Variants in ROCK1 observed in about 807,000 individuals in gnomAD.
The protein encoded by ROCK1 is rho-associated protein kinase 1.
ROCK1 carries 36 observed loss-of-function variants against 196.8 expected under a neutral mutation model. That is an observed-to-expected ratio of 0.18 (90% CI 0.14 to 0.24). ROCK1 has a LOEUF of 0.24. ROCK1 is among the 10% of genes least tolerant of loss of function. The probability of loss-of-function intolerance (pLI) is 1.00; values close to 1 mark genes in which losing one functional copy is unlikely to be tolerated. For synonymous variants in ROCK1, 443 were observed against 515.9 expected, an observed-to-expected ratio of 0.86 and a Z score of 1.91; for missense variants, 920 against 1,562.0, an observed-to-expected ratio of 0.59 and a Z score of 6.93.
Position 21,105,001 on chromosome 18 carries a change from G to A in ROCK1, c.93+5817C>T, listed in dbSNP as rs375835193. Among the ~76,000 whole-genome samples the A allele has an allele frequency of 3.3e-5, 5 of 152,118 alleles. No homozygotes were observed. In the East Asian group the frequency reaches 7.7e-4, roughly 23 times the overall value. On this transcript the variant is annotated intron_variant, in intron 1 of 32. Coordinates refer to ENST00000399799, the MANE Select transcript of ROCK1 (RefSeq NM_005406.3). Reference sequence around the variant, plus strand: ...GATAAATTACTCTGTACTTAGAGACGACAATAAATATCAACTTCTAGACTA... The same window carrying A: ...GATAAATTACTCTGTACTTAGAGACAACAATAAATATCAACTTCTAGACTA...
intron 1 of ROCK1, among the ~76,000 whole-genome samples, chr18:21,085,346 A>AAAAAAAAAAAAAG (rs1197521881): frequency 1.3e-5 from 2 of 150,400 alleles, no homozygotes; most frequent in African/African-American, 4.9e-5. Flanking sequence ...CCCATTTCAA[A>AAAAAAAAAAAAAG]AAAAAAAAAA....
intron 29 of ROCK1, among the ~76,000 whole-genome samples, chr18:20,959,019 T>TATAATATATATATTTTATAAAAA (rs2035283072): frequency 1.4e-5 from 1 of 70,928 alleles, no homozygotes; most frequent in African/African-American, 6.8e-5. Context: ...ATATAATATA[T>TATAATATATATATTTTATAAAAA]ATAATATATA....
chr18:21,111,786 A>C lies in ROCK1; in HGVS notation c.-876T>G, dbSNP rs1213152311. ...GACTAATATGTCCGCCTTCCTGTTC[A>C]AACAAACGGAGACCGCCGGGGCAGA... On this transcript the variant is annotated 5_prime_UTR_variant, in exon 1 of 33. Transcript: ENST00000399799. The surrounding 1 kb of genome is among the most constrained non-coding windows in gnomAD (Gnocchi z 4.2). The C allele has an allele frequency of 6.6e-6, 1 of 151,994 alleles. No individual in the cohort carries two copies. The highest frequency in any genetic ancestry group is 1.5e-5 in the Non-Finnish European group (1 of 68,010). The allele number at this position is 151,994 out of a possible 1,614,324, so 9.4% of individuals were successfully genotyped here.
intron 3 of ROCK1, 43 bp downstream of exon 3, chr18:21,049,737 T>C (rs2036189280): frequency 8.7e-7 from 1 of 1,147,420 alleles, no homozygotes; most frequent in Non-Finnish European, 1.3e-6. Flanking sequence ...TGGATTATTT[T>C]AATTTAATAA....
At chr18:21,060,011 G>C (rs2036275080) in intron 2 of ROCK1, among the ~76,000 whole-genome samples, 1 of 152,186 alleles carries the variant, frequency 6.6e-6, no homozygotes, top group Non-Finnish European at 1.5e-5. Flanking sequence ...AAATAGATTA[G>C]TGGTTGTCTA....
At chr18:21,044,694 A>G (rs1326101792) in intron 5 of ROCK1, among the ~76,000 whole-genome samples, 2 of 152,226 alleles carry the variant, frequency 1.3e-5, no homozygotes. Flanking sequence ...AAAAATTAAC[A>G]TCAAAGTGTT....
intron 9 of ROCK1, among the ~76,000 whole-genome samples, chr18:21,035,421 AG>A (rs1369756692): frequency 2.6e-5 from 4 of 152,166 alleles, no homozygotes; most frequent in Non-Finnish European, 5.9e-5. Flanking sequence ...GCACTTTGGG[AG>A]GCTGAGGCAG....
At chr18:21,038,225 G>C (rs1449438159) in intron 9 of ROCK1, among the ~76,000 whole-genome samples, 1 of 152,090 alleles carries the variant, frequency 6.6e-6, no homozygotes, top group Non-Finnish European at 1.5e-5. Context: ...TTCACTTGCA[G>C]CATGAAGATA....
At chr18:21,071,091 A>G (rs2036380330) in intron 1 of ROCK1, among the ~76,000 whole-genome samples, 2 of 151,866 alleles carry the variant, frequency 1.3e-5, no homozygotes, top group Admixed American at 1.3e-4. Context: ...AAAATGTATT[A>G]GATTGTCATG....
intron 32 of ROCK1, among the ~76,000 whole-genome samples, chr18:20,952,903 CG>C (rs2035204202): frequency 1.3e-5 from 2 of 152,070 alleles, no homozygotes; most frequent in Admixed American, 1.3e-4. Flanking sequence ...GGTTCTCACT[CG>C]TAAGTGGGAG....
chr18:20,971,211 T>A (rs752651633), intron 22 of ROCK1, among the ~76,000 whole-genome samples: 12 of 151,892 alleles, frequency 7.9e-5, no homozygotes, highest in Admixed American at 2.0e-4. Context: ...AATAAATATG[T>A]TCTGAATGAG....
intron 10 of ROCK1, among the ~76,000 whole-genome samples, chr18:21,024,422 T>A (rs2035939380): frequency 6.6e-6 from 1 of 152,214 alleles, no homozygotes; most frequent in African/African-American, 2.4e-5. Flanking sequence ...AAATATTATA[T>A]AAAGGTAAGG....
intron 1 of ROCK1, among the ~76,000 whole-genome samples, chr18:21,096,545 G>C (rs964413460): frequency 2.6e-5 from 4 of 152,166 alleles, no homozygotes; most frequent in African/African-American, 9.7e-5. Context: ...ACAACTGAAA[G>C]AGTCCTAACT....
rs1437584928 is a variant in ROCK1 at position 20,951,332 on chromosome 18, TG to T, written c.*51del. On this transcript the variant is annotated 3_prime_UTR_variant, in exon 33 of 33. Transcript: ENST00000399799. ...TCTGCTCTGCATGGTTAAAGAAGCC[TG>T]GTTTATCAGGTAGCATCCCACACGA... is the stretch of plus-strand genomic sequence containing the variant. 31 of 1,568,696 alleles carry T rather than the reference TG, an allele frequency of 2.0e-5. No homozygotes were observed. The highest frequency in any genetic ancestry group is 2.5e-5 in the Non-Finnish European group (29 of 1,149,400).
rs2035149111 is a variant in ROCK1, at chr18:20,948,311, TTTTCAA to T, written c.*3067_*3072del. 6.6e-6 allele frequency: 1 copy of T among 152,072 alleles called. No homozygotes were observed. The highest frequency in any genetic ancestry group is 1.5e-5 in the Non-Finnish European group (1 of 68,042). 9.4% of individuals were successfully genotyped at this position (152,072 alleles called of 1,614,324 possible). On this transcript the variant is annotated 3_prime_UTR_variant, in exon 33 of 33. Coordinates refer to ENST00000399799, the MANE Select transcript of ROCK1 (RefSeq NM_005406.3). ...TGAATTACGATGCAGGAAAGAAGTA[TTTTCAA>T]TGAATACTGCAGTATCAACTGAATA...
chr18:20,996,688 T>C (rs746316078), intron 16 of ROCK1, among the ~76,000 whole-genome samples: 2 of 152,166 alleles, frequency 1.3e-5, no homozygotes, highest in African/African-American at 2.4e-5. Flanking sequence ...TATTCATATC[T>C]TGGGTAGAGA....
intron 1 of ROCK1, among the ~76,000 whole-genome samples, chr18:21,080,544 C>T (rs183483732): frequency 6.6e-6 from 1 of 152,184 alleles, no homozygotes; most frequent in African/African-American, 2.4e-5. Flanking sequence ...CAGAGACTGA[C>T]AAAATGGATT....
In ROCK1 at chr18:21,033,854, T is replaced by TAAAAAAAAAAAAAAAAAAAAAAAA. The variant is rs71269004; in HGVS notation, c.1052-4943_1052-4920dup. 9.0e-5 allele frequency among the ~76,000 whole-genome samples: 3 copies of TAAAAAAAAAAAAAAAAAAAAAAAA among 33,464 alleles called. 1 individual carries two copies. Among genetic ancestry groups the TAAAAAAAAAAAAAAAAAAAAAAAA allele is most frequent in the Admixed American group, 1.2e-3 (2 of 1,656 alleles). 22.0% of individuals were successfully genotyped at this position (33,464 alleles called of 152,430 possible). On this transcript the variant is annotated intron_variant, in intron 9 of 32. Coordinates refer to ENST00000399799, the MANE Select transcript of ROCK1 (RefSeq NM_005406.3). ...TAACTCAGTGAAACCCCGTTTCTAC[T>TAAAAAAAAAAAAAAAAAAAAAAAA]AAAAAAAAAAAAAAAAAAAAAAAAA...
intron 22 of ROCK1, among the ~76,000 whole-genome samples, chr18:20,976,371 TCCAGAC>T: frequency 1.3e-5 from 2 of 152,266 alleles, no homozygotes; most frequent in South Asian, 4.1e-4. Context: ...TCTGGAGGGA[TCCAGAC>T]ACACATACAC....
Sources: gnomAD v4.1 joint callset for allele counts (sites outside exome capture counted in the v4.1 genomes callset) on GRCh38, gnomAD v4.1.1 for gene constraint, Gnocchi (gnomAD v3.1) non-coding constraint, MANE v1.5 for transcripts, NCBI Gene and HGNC (gene_info 2026-07-23, HGNC 2026-07-21) for gene names.